Variants in PAX2 observed in about 807,000 individuals in gnomAD.
PAX2 encodes the protein paired box 2.
In PAX2, 9 loss-of-function variants were observed where a neutral mutation model predicts 41.7. The observed-to-expected ratio is 0.22, with a 90% confidence interval of 0.13 to 0.38. The LOEUF (loss-of-function observed/expected upper bound fraction) is 0.38. Among genes scored for constraint, PAX2 ranks in the 10% least tolerant of loss-of-function variants. The pLI is 1.00. For missense variants in PAX2, 418 were observed against 531.6 expected, an observed-to-expected ratio of 0.79 and a Z score of 2.10; for synonymous variants, 221 against 212.7, an observed-to-expected ratio of 1.04 and a Z score of -0.34.
intron 5 of PAX2, chr10:100,786,861 G>GATCTTGGGATCCTGCCCCCA: frequency 3.7e-6 from 3 of 803,994 alleles, no homozygotes; most frequent in Non-Finnish European, 5.9e-6. Flanking sequence ...CTGGTCTCCC[G>GATCTTGGGATCCTGCCCCCA]ATCTTGGGAT....
chr10:100,742,056 C>G (rs988228299), upstream of PAX2, among the ~76,000 whole-genome samples: 6 of 152,196 alleles, frequency 3.9e-5, no homozygotes, highest in African/African-American at 1.4e-4. Flanking sequence ...CCTTCCCAAG[C>G]TACTGGAGGC....
At chr10:100,771,849 C>T (rs1291918373) in intron 3 of PAX2, among the ~76,000 whole-genome samples, 4 of 152,088 alleles carry the variant, frequency 2.6e-5, no homozygotes, top group Admixed American at 6.6e-5. Flanking sequence ...GCTCTGTTGC[C>T]GAGGCTGGAG....
At chr10:100,767,889 A>G (rs1846079624) in intron 3 of PAX2, among the ~76,000 whole-genome samples, 1 of 152,146 alleles carries the variant, frequency 6.6e-6, no homozygotes, top group Non-Finnish European at 1.5e-5. Context: ...CAATGCCCCC[A>G]GGATAAAGAA....
chr10:100,799,887 C>A (rs575458905), intron 5 of PAX2, among the ~76,000 whole-genome samples: 1 of 148,640 alleles, frequency 6.7e-6, no homozygotes, highest in Admixed American at 6.7e-5. Context: ...TGGGTTCAAG[C>A]GATTCTCCTG....
At chr10:100,743,840 A>C (rs1845048987), upstream of PAX2, among the ~76,000 whole-genome samples, 1 of 152,226 alleles carries the variant, frequency 6.6e-6, no homozygotes, top group Non-Finnish European at 1.5e-5. Flanking sequence ...AGCCCAAGGG[A>C]ACCAACCTGC....
At chr10:100,757,338 C>T (rs1299281289) in intron 3 of PAX2, among the ~76,000 whole-genome samples, 1 of 152,224 alleles carries the variant, frequency 6.6e-6, no homozygotes, top group Non-Finnish European at 1.5e-5. Flanking sequence ...GGCGAAGTGG[C>T]AGCAGCAATA....
chr10:100,757,664 C>T (rs1273905878), intron 3 of PAX2, among the ~76,000 whole-genome samples: 1 of 152,210 alleles, frequency 6.6e-6, no homozygotes, highest in African/African-American at 2.4e-5. Context: ...CAACGGTGGG[C>T]AGAGCTCACC....
intron 1 of PAX2, chr10:100,749,348 C>T (rs895019937): frequency 9.8e-7 from 1 of 1,016,180 alleles, no homozygotes; most frequent in African/African-American, 1.7e-5. Context: ...GCGGCGCAGG[C>T]GGGATGCTGC....
chr10:100,808,031 C>T (rs1048602079), intron 6 of PAX2, among the ~76,000 whole-genome samples: 3 of 152,344 alleles, frequency 2.0e-5, no homozygotes, highest in Non-Finnish European at 4.4e-5. Context: ...CCTGAGTCCC[C>T]GCCTGTATTA....
intron 7 of PAX2, among the ~76,000 whole-genome samples, chr10:100,812,328 G>T (rs1023705955): frequency 6.6e-6 from 1 of 152,224 alleles, no homozygotes; most frequent in Non-Finnish European, 1.5e-5. Flanking sequence ...TAGCTCAGCG[G>T]CATCTCTTCT....
Position 100,746,186 on chromosome 10 carries a change from C to G in PAX2, c.-75C>G. The G allele has an allele frequency of 5.0e-6, 8 of 1,593,248 alleles. No homozygotes were observed. The highest frequency in any genetic ancestry group is 2.3e-5 in the East Asian group (1 of 44,114). ...CTCCCCCACCGTCCCTCCCTTTTCT[C>G]CTCAAGTCCTGAAGTTGAGTTTGAG... On this transcript the variant is annotated 5_prime_UTR_variant, in exon 1 of 10. Transcript: ENST00000355243.
intron 1 of PAX2, among the ~76,000 whole-genome samples, chr10:100,739,014 G>GACACAC (rs61617727): frequency 0.28 from 38,915 of 138,120 alleles, 6,237 homozygotes; most frequent in East Asian, 0.43. Flanking sequence ...CGCGCACGCG[G>GACACAC]ACACACACAC....
At position 100,827,987 on chromosome 10, in the gene PAX2, C is replaced by CT. The variant is rs1589912520; in HGVS notation, c.*369dup. 6.9e-6 allele frequency: 2 copies of CT among 289,806 alleles called. No homozygotes were observed. Among genetic ancestry groups the CT allele is most frequent in the East Asian group, 1.1e-4 (2 of 17,484 alleles). 18.0% of individuals were successfully genotyped at this position (289,806 alleles called of 1,614,324 possible). A position where few individuals can be genotyped will look rare whatever the true frequency, so the allele number is the denominator to read the frequency against. ...CCCTGCCGGACTCGGGCGCGACCTG[C>CT]TGGCGCGCGCCGGATGTTTCTGTGA... On this transcript the variant is annotated 3_prime_UTR_variant, in exon 10 of 10. Transcript: ENST00000355243. This position sits in a 1 kb window ranked among gnomAD's most constrained non-coding sequence, Gnocchi z 8.5.
intron 3 of PAX2, among the ~76,000 whole-genome samples, chr10:100,764,286 G>A (rs1845943748): frequency 6.6e-6 from 1 of 151,872 alleles, no homozygotes; most frequent in Non-Finnish European, 1.5e-5. Flanking sequence ...TGGGACCACA[G>A]GCGCCCGCCA....
chr10:100,796,887 C>T (rs1383952225), intron 5 of PAX2, among the ~76,000 whole-genome samples: 1 of 152,154 alleles, frequency 6.6e-6, no homozygotes, highest in Non-Finnish European at 1.5e-5. Context: ...AGCTATGTGA[C>T]ATGGGAAAAT....
At chr10:100,815,229 G>A (rs1848148348) in intron 7 of PAX2, among the ~76,000 whole-genome samples, 2 of 152,174 alleles carry the variant, frequency 1.3e-5, no homozygotes, top group African/African-American at 4.8e-5. Context: ...GCCCCCGGGG[G>A]AGGAGAGGGC....
At chr10:100,784,241 G>A (rs1252439754) in intron 5 of PAX2, among the ~76,000 whole-genome samples, 1 of 152,244 alleles carries the variant, frequency 6.6e-6, no homozygotes, top group African/African-American at 2.4e-5. Context: ...GCAGCTGGCA[G>A]GCCAGTCACA....
intron 7 of PAX2, among the ~76,000 whole-genome samples, chr10:100,811,459 A>T (rs529293266): frequency 6.6e-6 from 1 of 152,258 alleles, no homozygotes; most frequent in Non-Finnish European, 1.5e-5. Context: ...TGGGTCCAGC[A>T]TGTTGGCCTT....
intron 1 of PAX2, among the ~76,000 whole-genome samples, chr10:100,736,891 A>G (rs1476585419): frequency 6.6e-6 from 1 of 152,174 alleles, no homozygotes; most frequent in Non-Finnish European, 1.5e-5. Flanking sequence ...TCAATCTCTG[A>G]TGGTGTTGAA....
Sources: allele counts gnomAD v4.1 joint callset (sites outside exome capture counted in the v4.1 genomes callset), GRCh38; gene constraint gnomAD v4.1.1; non-coding constraint Gnocchi (gnomAD v3.1); transcripts MANE v1.5; gene names NCBI Gene and HGNC (gene_info 2026-07-23, HGNC 2026-07-21).